Variants in ACYP2 observed in about 807,000 individuals in gnomAD.
The protein encoded by ACYP2 is acylphosphatase 2, also known as acylphosphatase-2.
In ACYP2, 12 loss-of-function variants were observed where a neutral mutation model predicts 11.2. The ratio of observed to expected loss-of-function variants is 1.08; its 90% CI spans 0.69 to 1.74. The LOEUF is 1.74. ACYP2 is among the 40% of genes most tolerant of loss of function. ACYP2 has a pLI of 0.00. For missense variants in ACYP2, 134 were observed against 101.9 expected (o/e 1.31, Z -1.35); for synonymous variants, 43 against 32.2 (o/e 1.33, Z -1.13).
chr2:54,078,806 C>T (rs1677490899), intron 4 of ACYP2, among the ~76,000 whole-genome samples: 1 of 152,118 alleles, frequency 6.6e-6, no homozygotes, highest in South Asian at 2.1e-4. Flanking sequence ...CCATGTTGGC[C>T]AGGCTGGTCT....
intron 6 of ACYP2, among the ~76,000 whole-genome samples, chr2:54,146,354 G>A (rs1681881575): frequency 6.6e-6 from 1 of 152,024 alleles, no homozygotes; most frequent in Non-Finnish European, 1.5e-5. Flanking sequence ...TGCACTTGGA[G>A]GAGAATGTTT....
At position 54,097,793 on chromosome 2, in the gene ACYP2, T is replaced by C. The variant is rs141945352; in HGVS notation, c.278-37660T>C. On this transcript the variant is annotated intron_variant, in intron 4 of 6. Transcript: ENST00000607452. ...GTATCTATAACTGCAAAAGATATTT[T>C]TAACTCTAACCACCATGCTATTATT... Among the ~76,000 whole-genome samples, 303 of 152,180 alleles carry C rather than the reference T, an allele frequency of 2.0e-3. 2 individuals carry two copies. Among genetic ancestry groups the C allele is most frequent in the African/African-American group, 6.9e-3 (288 of 41,526 alleles).
chr2:54,058,831 G>A (rs760573760), intron 4 of ACYP2, among the ~76,000 whole-genome samples: 43 of 151,770 alleles, frequency 2.8e-4, no homozygotes, highest in Admixed American at 4.6e-4. Flanking sequence ...TGAGGGAGAA[G>A]TTTTATGGTG....
At chr2:54,170,042 T>C (rs773286302) in intron 6 of ACYP2, among the ~76,000 whole-genome samples, 1 of 152,226 alleles carries the variant, frequency 6.6e-6, no homozygotes, top group Non-Finnish European at 1.5e-5. Context: ...TTCCTCATTA[T>C]GCTTTTATAT....
chr2:54,284,967 A>G (rs1403697163), intron 6 of ACYP2, among the ~76,000 whole-genome samples: 1 of 152,236 alleles, frequency 6.6e-6, no homozygotes, highest in African/African-American at 2.4e-5. Context: ...ACAGAACACC[A>G]TAGACTGGGT....
intron 6 of ACYP2, among the ~76,000 whole-genome samples, chr2:54,208,366 T>C (rs12614774): frequency 6.6e-6 from 1 of 151,896 alleles, no homozygotes; most frequent in African/African-American, 2.4e-5. Context: ...AACTTCCATC[T>C]ATGTTTTTCT....
At chr2:54,017,017 G>A (rs569888678) in intron 2 of ACYP2, among the ~76,000 whole-genome samples, 1 of 152,150 alleles carries the variant, frequency 6.6e-6, no homozygotes, top group South Asian at 2.1e-4. Context: ...GAGCCTCCGC[G>A]CCCGGCCCTT....
chr2:54,197,965 T>C (rs1425284672), intron 6 of ACYP2, among the ~76,000 whole-genome samples: 6 of 92,754 alleles, frequency 6.5e-5, no homozygotes, highest in Non-Finnish European at 1.3e-4. Flanking sequence ...TTGTATTGTA[T>C]TGTATTGTAT....
chr2:54,088,412 G>C (rs1678052470), intron 4 of ACYP2, among the ~76,000 whole-genome samples: 1 of 152,186 alleles, frequency 6.6e-6, no homozygotes. Context: ...CCCACAGGGA[G>C]TCTCAAAGGA....
chr2:53,985,501 T>C (rs1671989718), intron 2 of ACYP2, among the ~76,000 whole-genome samples: 1 of 152,156 alleles, frequency 6.6e-6, no homozygotes, highest in Admixed American at 6.6e-5. Flanking sequence ...TATATACATA[T>C]ATGTTCTCCA....
intron 6 of ACYP2, among the ~76,000 whole-genome samples, chr2:54,146,832 T>C (rs532320226): frequency 3.3e-5 from 5 of 151,908 alleles, no homozygotes; most frequent in Non-Finnish European, 7.4e-5. Flanking sequence ...TCTTGCTCTG[T>C]TGCCCAGGCT....
At chr2:54,211,956 C>A (rs753910897) in intron 6 of ACYP2, among the ~76,000 whole-genome samples, 1 of 152,032 alleles carries the variant, frequency 6.6e-6, no homozygotes, top group African/African-American at 2.4e-5. Context: ...TAATTTATTT[C>A]GGGCAGGATT....
intron 6 of ACYP2, among the ~76,000 whole-genome samples, chr2:54,181,332 T>A (rs990221480): frequency 2.6e-5 from 4 of 152,156 alleles, no homozygotes; most frequent in African/African-American, 9.7e-5. Context: ...TCATTTTATG[T>A]GTTATGGAAG....
intron 2 of ACYP2, among the ~76,000 whole-genome samples, chr2:54,042,448 T>C (rs1675285829): frequency 6.6e-6 from 1 of 152,228 alleles, no homozygotes; most frequent in Non-Finnish European, 1.5e-5. Flanking sequence ...GTACAGGGGT[T>C]ATTCTGTTTA....
chr2:54,202,503 G>A (rs1684889724), intron 6 of ACYP2, among the ~76,000 whole-genome samples: 1 of 149,880 alleles, frequency 6.7e-6, no homozygotes, highest in Non-Finnish European at 1.5e-5. Context: ...TGCCTCCCGG[G>A]TTCAAGCAAT....
At chr2:54,201,596 C>CT (rs879595389) in intron 6 of ACYP2, among the ~76,000 whole-genome samples, 2,234 of 70,784 alleles carry the variant, frequency 0.032, 73 homozygotes, top group South Asian at 0.089. Context: ...CTTTCTTTCT[C>CT]TTTCTTTCTT....
At chr2:54,153,306 TG>T (rs1682268893) in intron 6 of ACYP2, among the ~76,000 whole-genome samples, 1 of 152,106 alleles carries the variant, frequency 6.6e-6, no homozygotes, top group Admixed American at 6.6e-5. Flanking sequence ...GGTTTATTTC[TG>T]GGCTCTCTAT....
chr2:54,136,293 G>A (rs1681227480), intron 5 of ACYP2, among the ~76,000 whole-genome samples: 1 of 151,994 alleles, frequency 6.6e-6, no homozygotes, highest in South Asian at 2.1e-4. Context: ...CACCTGCCTT[G>A]GCCTCCCAAA....
At chr2:54,233,439 G>A (rs1686333305) in intron 6 of ACYP2, among the ~76,000 whole-genome samples, 2 of 151,732 alleles carry the variant, frequency 1.3e-5, no homozygotes, top group Non-Finnish European at 2.9e-5. Context: ...TGGGACTACA[G>A]GCATGAGCCA....
Sources: allele counts gnomAD v4.1 joint callset (sites outside exome capture counted in the v4.1 genomes callset), GRCh38; gene constraint gnomAD v4.1.1; transcripts MANE v1.5; gene names NCBI Gene and HGNC (gene_info 2026-07-23, HGNC 2026-07-21).